TTC27: variants seen among roughly 807,000 people sequenced by gnomAD.
TTC27 encodes tetratricopeptide repeat protein 27.
A neutral mutation model predicts 115.9 loss-of-function variants in TTC27; 79 were observed. The observed-to-expected ratio is 0.68, with a 90% CI of 0.57 to 0.82. The LOEUF (loss-of-function observed/expected upper bound fraction) is 0.82, where lower values mean the gene tolerates loss of function less well. Among genes scored for constraint, TTC27 ranks in the 40% least tolerant of loss-of-function variants. The pLI is 0.00. For missense variants in TTC27, 1,054 were observed against 993.1 expected (o/e 1.06, Z -0.82); for synonymous variants, 401 against 356.0 (o/e 1.13, Z -1.42).
At chr2:32,710,349 A>C (rs1168425831) in intron 10 of TTC27, among the ~76,000 whole-genome samples, 1 of 151,992 alleles carries the variant, frequency 6.6e-6, no homozygotes, top group East Asian at 1.9e-4. Flanking sequence ...TAAAATAACT[A>C]GGTCAGCATT....
intron 4 of TTC27, among the ~76,000 whole-genome samples, chr2:32,649,905 C>G (rs1445868282): frequency 6.7e-6 from 1 of 150,324 alleles, no homozygotes; most frequent in Non-Finnish European, 1.5e-5. Flanking sequence ...GTCCAAGTGG[C>G]TAAAAAAAAA....
intron 10 of TTC27, among the ~76,000 whole-genome samples, chr2:32,710,618 C>T (rs1300613320): frequency 4.0e-5 from 6 of 151,126 alleles, no homozygotes; most frequent in South Asian, 4.2e-4. Context: ...TTAGTAGAGA[C>T]GGGTGTCACC....
At chr2:32,655,291 G>A (rs1020921486) in intron 5 of TTC27, among the ~76,000 whole-genome samples, 3 of 151,726 alleles carry the variant, frequency 2.0e-5, no homozygotes, top group Non-Finnish European at 4.4e-5. Flanking sequence ...TGCCTGGCCC[G>A]CCTGGCTATT....
intron 3 of TTC27, among the ~76,000 whole-genome samples, chr2:32,638,340 G>C (rs1664504098): frequency 6.6e-6 from 1 of 151,988 alleles, no homozygotes; most frequent in Admixed American, 6.6e-5. Flanking sequence ...ATAGGACAGA[G>C]GATGAACTCA....
At chr2:32,758,232 T>C (rs1669305243) in intron 12 of TTC27, 60 bp from the exon 13 acceptor site, 2 of 1,198,496 alleles carry the variant, frequency 1.7e-6, no homozygotes, top group Non-Finnish European at 1.2e-6. Flanking sequence ...GTATATGTGC[T>C]AAAAAAAAAA....
chr2:32,790,622 T>C (rs1670503853), intron 16 of TTC27, among the ~76,000 whole-genome samples: 1 of 152,166 alleles, frequency 6.6e-6, no homozygotes, highest in African/African-American at 2.4e-5. Context: ...TACATTATCA[T>C]TGACTGTAGT....
intron 19 of TTC27, among the ~76,000 whole-genome samples, chr2:32,820,015 T>G (rs1210960929): frequency 1.3e-5 from 2 of 152,238 alleles, no homozygotes; most frequent in East Asian, 3.8e-4. Context: ...CTGATGACAT[T>G]GGAGCAGTTC....
At chr2:32,769,150 G>A (rs1669740177) in intron 13 of TTC27, among the ~76,000 whole-genome samples, 2 of 152,188 alleles carry the variant, frequency 1.3e-5, no homozygotes, top group African/African-American at 4.8e-5. Flanking sequence ...TGAGCTTTGG[G>A]CATCTCCTGA....
At chr2:32,802,062 C>G (rs1315133178) in intron 16 of TTC27, among the ~76,000 whole-genome samples, 1 of 151,784 alleles carries the variant, frequency 6.6e-6, no homozygotes, top group East Asian at 1.9e-4. Context: ...TATGCATATT[C>G]TAGAAAGCGG....
At chr2:32,777,544 T>C (rs743239) in intron 13 of TTC27, among the ~76,000 whole-genome samples, 13,666 of 152,218 alleles carry the variant, frequency 0.09, 711 homozygotes, top group Middle Eastern at 0.23. Flanking sequence ...GATGCAACCA[T>C]CCAGTTTTTT....
chr2:32,711,983 C>T (rs1229081698), intron 10 of TTC27, among the ~76,000 whole-genome samples: 2 of 151,830 alleles, frequency 1.3e-5, no homozygotes, highest in Non-Finnish European at 2.9e-5. Flanking sequence ...TAGAAAGGAC[C>T]CCCTTAGGAA....
intron 9 of TTC27, among the ~76,000 whole-genome samples, chr2:32,682,850 T>G (rs1388724111): frequency 9.4e-6 from 1 of 106,444 alleles, no homozygotes; most frequent in African/African-American, 3.9e-5. Flanking sequence ...TATTGTTGTT[T>G]TTTTTTTTTT....
At chr2:32,806,219 C>A (rs879178381) in intron 16 of TTC27, among the ~76,000 whole-genome samples, 1 of 152,130 alleles carries the variant, frequency 6.6e-6, no homozygotes, top group African/African-American at 2.4e-5. Flanking sequence ...TAAAAACATT[C>A]ACCTATTTAA....
At chr2:32,726,131 G>C (rs1668102154) in intron 10 of TTC27, among the ~76,000 whole-genome samples, 1 of 152,204 alleles carries the variant, frequency 6.6e-6, no homozygotes, top group South Asian at 2.1e-4. Flanking sequence ...TATTGGAGGG[G>C]CTGCTGTGAA....
At chr2:32,651,793 A>G (rs1354747179) in intron 5 of TTC27, among the ~76,000 whole-genome samples, 1 of 152,234 alleles carries the variant, frequency 6.6e-6, no homozygotes, top group African/African-American at 2.4e-5. Flanking sequence ...ATACATAAAC[A>G]TATGCTAATC....
intron 3 of TTC27, among the ~76,000 whole-genome samples, chr2:32,636,419 G>A (rs1312858643): frequency 1.3e-5 from 2 of 152,094 alleles, no homozygotes; most frequent in South Asian, 4.1e-4. Context: ...TCACCATGTT[G>A]GCCAGGGTGG....
intron 9 of TTC27, among the ~76,000 whole-genome samples, chr2:32,691,164 C>G (rs1328625382): frequency 6.6e-6 from 1 of 152,102 alleles, no homozygotes; most frequent in Non-Finnish European, 1.5e-5. Context: ...ACTCTAGATC[C>G]TCTTTGATGA....
intron 4 of TTC27, among the ~76,000 whole-genome samples, chr2:32,642,501 C>T (rs544031558): frequency 6.6e-6 from 1 of 152,092 alleles, no homozygotes; most frequent in South Asian, 2.1e-4. Flanking sequence ...AACCTGCCTG[C>T]CTTGGCCTCC....
intron 12 of TTC27, among the ~76,000 whole-genome samples, chr2:32,754,754 G>A (rs1669145591): frequency 6.6e-6 from 1 of 150,998 alleles, no homozygotes; most frequent in Non-Finnish European, 1.5e-5. Context: ...CCCGGACGGG[G>A]TGGCTGGCCG....
Sources: gnomAD v4.1 joint callset for allele counts (sites outside exome capture counted in the v4.1 genomes callset) on GRCh38, gnomAD v4.1.1 for gene constraint, MANE v1.5 for transcripts, NCBI Gene and HGNC (gene_info 2026-07-23, HGNC 2026-07-21) for gene names.